The following PCDH15 variants were observed in gnomAD, a reference collection of about 807,000 sequenced individuals.
The protein encoded by PCDH15 is protocadherin related 15.
Under a neutral mutation model 178.5 loss-of-function variants are expected in PCDH15, and 129 were observed. The observed-to-expected ratio is 0.72, with a 90% CI of 0.63 to 0.84. The LOEUF (loss-of-function observed/expected upper bound fraction) is 0.84, where lower values mean the gene tolerates loss of function less well. Ranked by LOEUF, PCDH15 falls within the 40% of genes least tolerant of loss-of-function variation. The probability of loss-of-function intolerance (pLI) is 0.00; values close to 1 mark genes in which losing one functional copy is unlikely to be tolerated. For synonymous variants in PCDH15, 800 were observed against 732.0 expected, an observed-to-expected ratio of 1.09 and a Z score of -1.50; for missense variants, 2,230 against 2,099.9, an observed-to-expected ratio of 1.06 and a Z score of -1.21.
chr10:54,743,403 A>G (rs1399014813), intron 1 of PCDH15, among the ~76,000 whole-genome samples: 1 of 152,060 alleles, frequency 6.6e-6, no homozygotes, highest in Non-Finnish European at 1.5e-5. Context: ...TACATTAACT[A>G]TATGACTCCT....
In PCDH15 at chr10:53,806,620, C is replaced by G; in HGVS notation, c.5182G>C (p.Gly1728Arg). ...GGTATATGGAGGTTGTTCCAGGGGC[C>G]CATCCAAAGCTCTTCATCATCAGAC... Reference protein sequence around the residue: ...TQSDDEELWMGPWNNLHIPMT... With the variant: ...TQSDDEELWMRPWNNLHIPMT... Residue 1728 changes from glycine (G) to arginine (R), a missense_variant, in exon 38 of 38, where the codon GGC becomes CGC. Coordinates refer to ENST00000644397, the MANE Select transcript of PCDH15 (RefSeq NM_001384140.1). 6.2e-7 allele frequency: 1 copy of G among 1,613,538 alleles called. No individual in the cohort carries two copies. Among genetic ancestry groups the G allele is most frequent in the South Asian group, 1.1e-5 (1 of 91,068 alleles).
intron 2 of PCDH15, among the ~76,000 whole-genome samples, chr10:54,601,123 C>T (rs140487154): frequency 6.6e-6 from 1 of 151,986 alleles, no homozygotes; most frequent in East Asian, 1.9e-4. Flanking sequence ...TTATGTTGAT[C>T]GATGTGAAAT....
chr10:54,378,656 T>G, intron 4 of PCDH15, 126 bp downstream of exon 4: 1 of 1,056,130 alleles, frequency 9.5e-7, no homozygotes, highest in Non-Finnish European at 1.4e-6. Context: ...TTAAAGAAAC[T>G]GTTGTTGCTA....
intron 2 of PCDH15, among the ~76,000 whole-genome samples, chr10:55,494,813 C>A (rs1481282992): frequency 6.6e-6 from 1 of 151,646 alleles, no homozygotes; most frequent in Non-Finnish European, 1.5e-5. Context: ...ATCTTATGTG[C>A]ATACATTTTT....
intron 2 of PCDH15, among the ~76,000 whole-genome samples, chr10:55,015,304 T>C (rs921220695): frequency 1.3e-5 from 2 of 152,098 alleles, no homozygotes; most frequent in African/African-American, 4.8e-5. Context: ...CAGAGAACAC[T>C]TTTGCTGTCG....
intron 2 of PCDH15, among the ~76,000 whole-genome samples, chr10:54,989,825 T>C (rs1402833159): frequency 1.3e-5 from 2 of 152,100 alleles, no homozygotes; most frequent in African/African-American, 4.8e-5. Flanking sequence ...GTTTGGCTGT[T>C]TCCCCACACA....
At chr10:55,445,535 GAC>G (rs1206349875) in intron 2 of PCDH15, among the ~76,000 whole-genome samples, 2 of 152,046 alleles carry the variant, frequency 1.3e-5, no homozygotes, top group African/African-American at 4.8e-5. Flanking sequence ...AAAACAATGA[GAC>G]ACTGAAAAAT....
At chr10:54,867,217 C>T (rs1007567944) in intron 3 of PCDH15, among the ~76,000 whole-genome samples, 1 of 152,040 alleles carries the variant, frequency 6.6e-6, no homozygotes, top group African/African-American at 2.4e-5. Flanking sequence ...TCAGAGCTTC[C>T]GTGGTATAGT....
At chr10:55,591,256 T>C (rs1842837206) in intron 2 of PCDH15, among the ~76,000 whole-genome samples, 1 of 151,976 alleles carries the variant, frequency 6.6e-6, no homozygotes, top group Non-Finnish European at 1.5e-5. Context: ...AACATAGTAA[T>C]ACCCCATCTC....
intron 1 of PCDH15, among the ~76,000 whole-genome samples, chr10:54,695,196 C>T (rs1254805905): frequency 6.6e-6 from 1 of 152,024 alleles, no homozygotes; most frequent in Non-Finnish European, 1.5e-5. Context: ...GCACATGTAC[C>T]CTAAAACTTA....
At chr10:55,445,281 T>C (rs543888533) in intron 2 of PCDH15, among the ~76,000 whole-genome samples, 5 of 152,210 alleles carry the variant, frequency 3.3e-5, no homozygotes, top group Non-Finnish European at 4.4e-5. Context: ...GCTTTTTTTT[T>C]CTGCATCCAT....
At chr10:55,350,241 A>AGTT (rs1844878454) in intron 2 of PCDH15, among the ~76,000 whole-genome samples, 1 of 59,462 alleles carries the variant, frequency 1.7e-5, no homozygotes, top group Non-Finnish European at 3.2e-5. Context: ...ATATATATAT[A>AGTT]TATATATATA....
chr10:54,654,650 A>G (rs2135260994), intron 2 of PCDH15, among the ~76,000 whole-genome samples: 1 of 152,334 alleles, frequency 6.6e-6, no homozygotes, highest in Non-Finnish European at 1.5e-5. Flanking sequence ...AAACTCTATT[A>G]TGAATTGTAT....
chr10:54,336,036 T>C (rs769744264), intron 6 of PCDH15, among the ~76,000 whole-genome samples: 1 of 152,158 alleles, frequency 6.6e-6, no homozygotes, highest in Non-Finnish European at 1.5e-5. Context: ...CCTTGCTATG[T>C]TTTATCAAAG....
At chr10:55,455,278 T>A (rs1589042971) in intron 2 of PCDH15, among the ~76,000 whole-genome samples, 1 of 152,300 alleles carries the variant, frequency 6.6e-6, no homozygotes, top group African/African-American at 2.4e-5. Context: ...GCAGTCATCA[T>A]GAATTGTATA....
At chr10:55,513,983 G>A (rs917023827) in intron 2 of PCDH15, among the ~76,000 whole-genome samples, 1 of 151,926 alleles carries the variant, frequency 6.6e-6, no homozygotes, top group Non-Finnish European at 1.5e-5. Flanking sequence ...GAGTAGACTA[G>A]AGATCCATGG....
intron 3 of PCDH15, among the ~76,000 whole-genome samples, chr10:54,831,652 A>G (rs982407566): frequency 9.2e-5 from 14 of 152,160 alleles, no homozygotes; most frequent in African/African-American, 2.9e-4. Flanking sequence ...GCTAAATCAC[A>G]CAAGAGGAAA....
intron 2 of PCDH15, among the ~76,000 whole-genome samples, chr10:54,596,811 C>CA (rs1449154361): frequency 6.6e-6 from 1 of 151,828 alleles, no homozygotes; most frequent in East Asian, 1.9e-4. Flanking sequence ...TAATTTCAGA[C>CA]AAAAAAGATT....
intron 2 of PCDH15, among the ~76,000 whole-genome samples, chr10:55,066,938 A>G (rs929325272): frequency 3.9e-5 from 6 of 151,908 alleles, no homozygotes; most frequent in Non-Finnish European, 7.4e-5. Context: ...CACAAAAATG[A>G]TAAATATTCA....
Sources: gnomAD v4.1 joint callset for allele counts (sites outside exome capture counted in the v4.1 genomes callset) on GRCh38, gnomAD v4.1.1 for gene constraint, MANE v1.5 for transcripts, NCBI Gene and HGNC (gene_info 2026-07-23, HGNC 2026-07-21) for gene names.